The following PTPRG variants were observed in gnomAD, a reference collection of about 807,000 sequenced individuals.
PTPRG encodes the protein receptor-type tyrosine-protein phosphatase gamma.
A neutral mutation model predicts 165.3 loss-of-function variants in PTPRG; 102 were observed. The ratio of observed to expected loss-of-function variants is 0.62; its 90% CI spans 0.53 to 0.73. The LOEUF is 0.73. Ranked by LOEUF, PTPRG falls within the 30% of genes least tolerant of loss-of-function variation. The pLI, the probability that PTPRG is intolerant of heterozygous loss-of-function variation, is 0.00. For missense variants in PTPRG, 1,866 were observed against 1,861.4 expected (o/e 1.00, Z -0.05); for synonymous variants, 675 against 669.5 (o/e 1.01, Z -0.13).
At chr3:61,884,360 A>T (rs1307558510) in intron 2 of PTPRG, among the ~76,000 whole-genome samples, 1 of 152,214 alleles carries the variant, frequency 6.6e-6, no homozygotes, top group East Asian at 1.9e-4. Context: ...TTATCTGAGC[A>T]TATGTTGGGT....
At chr3:62,004,976 C>T (rs1286002150) in intron 4 of PTPRG, among the ~76,000 whole-genome samples, 4 of 152,150 alleles carry the variant, frequency 2.6e-5, no homozygotes, top group East Asian at 1.9e-4. Flanking sequence ...CATTTTTGAA[C>T]CCTCTAAGTA....
intron 12 of PTPRG, among the ~76,000 whole-genome samples, chr3:62,208,542 A>AG (rs1700283776): frequency 6.6e-6 from 1 of 152,114 alleles, no homozygotes; most frequent in Admixed American, 6.5e-5. Context: ...TCAGGTGCTA[A>AG]GGGGACATTC....
At chr3:61,764,314 T>G (rs1264628775) in intron 2 of PTPRG, among the ~76,000 whole-genome samples, 1 of 152,178 alleles carries the variant, frequency 6.6e-6, no homozygotes, top group Non-Finnish European at 1.5e-5. Context: ...GAGGGCATCC[T>G]CATACCAGTC....
At chr3:62,220,558 C>G (rs553612212) in intron 13 of PTPRG, among the ~76,000 whole-genome samples, 3 of 152,258 alleles carry the variant, frequency 2.0e-5, no homozygotes, top group Admixed American at 6.5e-5. Context: ...AGGAGGTCAT[C>G]TCAGGTTTCC....
intron 8 of PTPRG, among the ~76,000 whole-genome samples, chr3:62,175,633 T>C (rs1209954671): frequency 1.3e-5 from 2 of 152,196 alleles, no homozygotes; most frequent in African/African-American, 4.8e-5. Context: ...AGAAATAAAG[T>C]TGAACAAGGG....
intron 5 of PTPRG, among the ~76,000 whole-genome samples, chr3:62,091,644 C>A (rs1701934527): frequency 6.6e-6 from 1 of 152,166 alleles, no homozygotes; most frequent in Non-Finnish European, 1.5e-5. Context: ...GGAAATGTAT[C>A]CTTTCCTGTG....
intron 1 of PTPRG, among the ~76,000 whole-genome samples, chr3:61,666,841 C>G (rs1325680722): frequency 6.6e-6 from 1 of 152,164 alleles, no homozygotes; most frequent in Non-Finnish European, 1.5e-5. Flanking sequence ...TGACCACTGA[C>G]AGAAGCCTAC....
At chr3:61,672,546 C>T (rs1326326168) in intron 1 of PTPRG, among the ~76,000 whole-genome samples, 10 of 144,640 alleles carry the variant, frequency 6.9e-5, no homozygotes, top group Admixed American at 4.2e-4. Flanking sequence ...AGCGAAACCC[C>T]GTCTCCACCA....
rs145075868 is a variant in PTPRG at position 62,135,428 on chromosome 3, A to G, written c.682+2760A>G. Among the ~76,000 whole-genome samples, 666 of 152,348 alleles carry G rather than the reference A, an allele frequency of 4.4e-3. 7 individuals carry two copies. Among genetic ancestry groups the G allele is most frequent in the African/African-American group, 0.015 (621 of 41,582 alleles). On this transcript the variant is annotated intron_variant, in intron 6 of 29. Transcript: ENST00000474889. ...CTCTGGCTTGGGAACAATGACAGAGATGTGTAAAGAGAAAAATCAATATGG... is the reference window on the plus strand; with the variant it reads ...CTCTGGCTTGGGAACAATGACAGAGGTGTGTAAAGAGAAAAATCAATATGG...
intron 1 of PTPRG, among the ~76,000 whole-genome samples, chr3:61,627,824 G>T (rs959302470): frequency 2.6e-5 from 4 of 152,140 alleles, no homozygotes; most frequent in Admixed American, 2.0e-4. Context: ...AGAGAACTTG[G>T]GGGGAAATGA....
intron 2 of PTPRG, among the ~76,000 whole-genome samples, chr3:61,791,254 T>C (rs1481979765): frequency 6.6e-6 from 1 of 152,200 alleles, no homozygotes; most frequent in Non-Finnish European, 1.5e-5. Flanking sequence ...AGCATTTATC[T>C]CAGGTATTTA....
intron 4 of PTPRG, among the ~76,000 whole-genome samples, chr3:62,011,126 C>T (rs928597592): frequency 1.3e-5 from 2 of 152,166 alleles, no homozygotes; most frequent in African/African-American, 4.8e-5. Flanking sequence ...CCTGGTGGCT[C>T]CACCCCATCC....
At chr3:62,238,693 G>T (rs1055894243) in intron 14 of PTPRG, among the ~76,000 whole-genome samples, 1 of 152,060 alleles carries the variant, frequency 6.6e-6, no homozygotes, top group African/African-American at 2.4e-5. Flanking sequence ...TACCCTGCCT[G>T]GGTATTCTAA....
intron 2 of PTPRG, among the ~76,000 whole-genome samples, chr3:61,754,219 G>A (rs2033554863): frequency 6.6e-6 from 1 of 152,252 alleles, no homozygotes; most frequent in East Asian, 1.9e-4. Flanking sequence ...CCATAGCCAG[G>A]GGCCATCCAT....
intron 2 of PTPRG, among the ~76,000 whole-genome samples, chr3:61,836,038 C>G: frequency 7.2e-6 from 1 of 139,610 alleles, no homozygotes. Flanking sequence ...AAATCTCCGT[C>G]TCACCCCCCG....
At position 62,219,398 on chromosome 3, in the gene PTPRG, C is replaced by G. The variant is rs1195827259; in HGVS notation, c.2288+415C>G. On this transcript the variant is annotated intron_variant, in intron 13 of 29. Coordinates refer to ENST00000474889, the MANE Select transcript of PTPRG (RefSeq NM_002841.4). The surrounding 1 kb of genome is among the most constrained non-coding windows in gnomAD (Gnocchi z 4.5). ...GTAGTCACATAATAACTCCTCTTTACCTTAGAATTTTTTTTCATAGTCTTT... is the reference window on the plus strand; with the variant it reads ...GTAGTCACATAATAACTCCTCTTTAGCTTAGAATTTTTTTTCATAGTCTTT... Among the ~76,000 whole-genome samples the G allele has an allele frequency of 6.6e-6, 1 of 152,148 alleles. No homozygotes were observed. Among genetic ancestry groups the G allele is most frequent in the Admixed American group, 6.5e-5 (1 of 15,290 alleles).
At chr3:62,173,552 G>T (rs559320678) in intron 8 of PTPRG, among the ~76,000 whole-genome samples, 1 of 152,158 alleles carries the variant, frequency 6.6e-6, no homozygotes, top group Non-Finnish European at 1.5e-5. Context: ...CATATTTTCT[G>T]TCTTCAAGGT....
At chr3:61,959,335 C>T (rs561153340) in intron 2 of PTPRG, among the ~76,000 whole-genome samples, 2 of 152,264 alleles carry the variant, frequency 1.3e-5, no homozygotes, top group South Asian at 2.1e-4. Flanking sequence ...CCCAAGCCAG[C>T]GGTCCCCAAC....
At chr3:61,873,769 G>A (rs1213212436) in intron 2 of PTPRG, among the ~76,000 whole-genome samples, 1 of 152,132 alleles carries the variant, frequency 6.6e-6, no homozygotes, top group African/African-American at 2.4e-5. Flanking sequence ...TGATGATTAA[G>A]TTCAGTTGAC....
Sources: allele counts gnomAD v4.1 joint callset (sites outside exome capture counted in the v4.1 genomes callset), GRCh38; gene constraint gnomAD v4.1.1; non-coding constraint Gnocchi (gnomAD v3.1); transcripts MANE v1.5; gene names NCBI Gene and HGNC (gene_info 2026-07-23, HGNC 2026-07-21).